PAMR1: variants seen among roughly 807,000 people sequenced by gnomAD.
PAMR1 encodes peptidase domain containing associated with muscle regeneration 1, also known as inactive serine protease PAMR1.
In PAMR1, 88 loss-of-function variants were observed where a neutral mutation model predicts 81.8. That is an observed-to-expected ratio of 1.08 (90% CI 0.91 to 1.28). The LOEUF (loss-of-function observed/expected upper bound fraction) is 1.28, where lower values mean the gene tolerates loss of function less well. PAMR1 is among the 50% of genes most tolerant of loss of function. The pLI, the probability that PAMR1 is intolerant of heterozygous loss-of-function variation, is 0.00. For missense variants in PAMR1, 935 were observed against 919.7 expected (o/e 1.02, Z -0.21); for synonymous variants, 336 against 345.3 (o/e 0.97, Z 0.30).
intron 4 of PAMR1, among the ~76,000 whole-genome samples, chr11:35,471,583 C>T (rs186254204): frequency 1.9e-4 from 29 of 152,098 alleles, no homozygotes; most frequent in East Asian, 3.9e-4. Flanking sequence ...TTCTAGGCAA[C>T]GATAATTCTC....
intron 1 of PAMR1, among the ~76,000 whole-genome samples, chr11:35,524,162 T>C (rs914385753): frequency 4.6e-5 from 7 of 152,102 alleles, no homozygotes; most frequent in African/African-American, 1.7e-4. Flanking sequence ...CACTTACCCC[T>C]AGGCAAGTGT....
At chr11:35,465,609 A>G (rs1168457751) in intron 6 of PAMR1, among the ~76,000 whole-genome samples, 1 of 152,244 alleles carries the variant, frequency 6.6e-6, no homozygotes, top group African/African-American at 2.4e-5. Flanking sequence ...CAAATTTCCT[A>G]GAAGGAAAAA....
intron 1 of PAMR1, among the ~76,000 whole-genome samples, chr11:35,505,609 C>T (rs1057402437): frequency 1.8e-4 from 27 of 151,984 alleles, no homozygotes; most frequent in African/African-American, 6.0e-4. Context: ...TATATAGTGA[C>T]CTTCTTTGTC....
At chr11:35,471,028 C>G (rs918078287) in intron 4 of PAMR1, among the ~76,000 whole-genome samples, 1 of 152,206 alleles carries the variant, frequency 6.6e-6, no homozygotes, top group Non-Finnish European at 1.5e-5. Flanking sequence ...TGTGCACATG[C>G]AAGTGCCTGC....
At chr11:35,470,965 T>C (rs1034318880) in intron 4 of PAMR1, 147 bp from the exon 5 acceptor site, 4 of 635,150 alleles carry the variant, frequency 6.3e-6, no homozygotes, top group Non-Finnish European at 1.1e-5. Flanking sequence ...TCCTCAGAGG[T>C]TGGCGAATTT....
At chr11:35,438,340 T>C (rs1222142065) in intron 8 of PAMR1, among the ~76,000 whole-genome samples, 1 of 152,172 alleles carries the variant, frequency 6.6e-6, no homozygotes, top group African/African-American at 2.4e-5. Context: ...AACTAATGCA[T>C]GAAAATACTC....
At position 35,474,680 on chromosome 11, in the gene PAMR1, A is replaced by G; in HGVS notation, c.444T>C (p.Ala148=). 6.2e-7 allele frequency: 1 copy of G among 1,610,836 alleles called. No individual in the cohort carries two copies. The highest frequency in any genetic ancestry group is 8.5e-7 in the Non-Finnish European group (1 of 1,178,640). The stretch of plus-strand genomic sequence containing the variant: ...TAGCATGAATGGTCCATTCACAGTG[A>G]GCATTTAGGGGATAGCTTTCCAACA... ...QILLESYPLN[A]HCEWTIHAKP... is the part of the protein sequence containing the mutation. Residue 148 remains alanine, a synonymous_variant, in exon 4 of 11, where the codon GCT becomes GCC. Coordinates refer to ENST00000619888, the MANE Select transcript of PAMR1 (RefSeq NM_001001991.3).
intron 1 of PAMR1, among the ~76,000 whole-genome samples, chr11:35,514,743 T>C (rs184531120): frequency 5.9e-5 from 9 of 152,332 alleles, no homozygotes; most frequent in Non-Finnish European, 1.2e-4. Flanking sequence ...TCCTAGAGCT[T>C]TGGGAGGCCG....
chr11:35,521,656 G>C (rs1851281226), intron 1 of PAMR1, among the ~76,000 whole-genome samples: 1 of 152,162 alleles, frequency 6.6e-6, no homozygotes, highest in African/African-American at 2.4e-5. Flanking sequence ...CAGTAAAACA[G>C]GAGCTAGCAA....
chr11:35,477,860 C>T (rs1455038440), intron 3 of PAMR1, among the ~76,000 whole-genome samples: 1 of 152,172 alleles, frequency 6.6e-6, no homozygotes, highest in Non-Finnish European at 1.5e-5. Flanking sequence ...GGAATTTTTG[C>T]CCGCTCCCTT....
At chr11:35,447,821 C>G (rs1378806534) in intron 6 of PAMR1, among the ~76,000 whole-genome samples, 1 of 152,176 alleles carries the variant, frequency 6.6e-6, no homozygotes, top group African/African-American at 2.4e-5. Flanking sequence ...TTCAGGAGCT[C>G]TTGCAAGGCA....
At chr11:35,502,271 A>G (rs1352430928) in intron 1 of PAMR1, among the ~76,000 whole-genome samples, 3 of 151,990 alleles carry the variant, frequency 2.0e-5, no homozygotes, top group Non-Finnish European at 2.9e-5. Flanking sequence ...TTAATTTTTA[A>G]GTTCTGGGGT....
At chr11:35,469,157 T>A (rs1199265599) in intron 5 of PAMR1, among the ~76,000 whole-genome samples, 1 of 152,216 alleles carries the variant, frequency 6.6e-6, no homozygotes, top group Non-Finnish European at 1.5e-5. Context: ...TAGTAGGGGC[T>A]ATGAAGGATG....
chr11:35,485,228 A>T (rs996586023), intron 3 of PAMR1, among the ~76,000 whole-genome samples: 1 of 152,188 alleles, frequency 6.6e-6, no homozygotes, highest in Non-Finnish European at 1.5e-5. Context: ...CAAAAGAAAA[A>T]TTATGATAAC....
In PAMR1 at chr11:35,431,968, C is replaced by T; in HGVS notation, c.*388G>A. The T allele has an allele frequency of 4.4e-6, 1 of 229,598 alleles. No individual in the cohort carries two copies. The highest frequency in any genetic ancestry group is 8.6e-6 in the Non-Finnish European group (1 of 116,182). The allele number at this position is 229,598 out of a possible 1,614,324, so 14.2% of individuals were successfully genotyped here. A position where few individuals can be genotyped will look rare whatever the true frequency, so the allele number is the denominator to read the frequency against. On this transcript the variant is annotated 3_prime_UTR_variant, in exon 11 of 11. Transcript: ENST00000619888. Reference sequence around the variant, plus strand: ...CTGCTGCCCTGGGCTGTCCCACAGGCAGCTCTCTAGAACTTGAGAGCCTCA... The same window carrying T: ...CTGCTGCCCTGGGCTGTCCCACAGGTAGCTCTCTAGAACTTGAGAGCCTCA...
intron 1 of PAMR1, among the ~76,000 whole-genome samples, chr11:35,500,200 A>G (rs936944398): frequency 2.6e-5 from 4 of 152,184 alleles, no homozygotes; most frequent in Admixed American, 1.3e-4. Flanking sequence ...TTAAAGCCCT[A>G]AAGTTGTGGT....
intron 6 of PAMR1, among the ~76,000 whole-genome samples, chr11:35,448,062 G>A (rs561967567): frequency 6.6e-6 from 1 of 152,186 alleles, no homozygotes. Flanking sequence ...TTTCTCTCTG[G>A]CTGCCCTTAA....
intron 3 of PAMR1, among the ~76,000 whole-genome samples, chr11:35,486,021 T>C (rs1469067608): frequency 6.6e-6 from 1 of 152,174 alleles, no homozygotes; most frequent in East Asian, 1.9e-4. Flanking sequence ...ATGAATTACT[T>C]CTTCCTATGA....
intron 4 of PAMR1, among the ~76,000 whole-genome samples, chr11:35,472,653 A>G (rs970513714): frequency 6.6e-6 from 1 of 152,196 alleles, no homozygotes; most frequent in Non-Finnish European, 1.5e-5. Context: ...AGAGGTTTAA[A>G]TGATGCAGTA....
Sources: gnomAD v4.1 joint callset for allele counts (sites outside exome capture counted in the v4.1 genomes callset) on GRCh38, gnomAD v4.1.1 for gene constraint, MANE v1.5 for transcripts, NCBI Gene and HGNC (gene_info 2026-07-23, HGNC 2026-07-21) for gene names.